Variants in RBFOX1 observed in about 807,000 individuals in gnomAD.
RBFOX1 encodes the protein RNA binding fox-1 homolog 1.
RBFOX1 carries 8 observed loss-of-function variants against 57.7 expected under a neutral mutation model. That is an observed-to-expected ratio of 0.14 (90% CI 0.08 to 0.25). The LOEUF (loss-of-function observed/expected upper bound fraction) is 0.25, where lower values mean the gene tolerates loss of function less well. RBFOX1 is among the 10% of genes least tolerant of loss of function. The probability of loss-of-function intolerance (pLI) is 1.00; values close to 1 mark genes in which losing one functional copy is unlikely to be tolerated. For missense variants in RBFOX1, 611 were observed against 548.5 expected (o/e 1.11, Z -1.14); for synonymous variants, 326 against 222.4 (o/e 1.47, Z -4.15).
intron 4 of RBFOX1, among the ~76,000 whole-genome samples, chr16:7,259,800 A>G (rs2094845164): frequency 6.6e-6 from 1 of 152,104 alleles, no homozygotes. Flanking sequence ...TTCTTAAAAA[A>G]CTACCTTTTC....
chr16:5,486,898 C>T lies in RBFOX1; in HGVS notation c.258+19644C>T, dbSNP rs759319197. Among the ~76,000 whole-genome samples, 16 of 152,208 alleles carry T rather than the reference C, an allele frequency of 1.1e-4. No homozygotes were observed. In the South Asian group the frequency reaches 2.3e-3, roughly 22 times the overall value. On this transcript the variant is annotated intron_variant, in intron 2 of 2. Transcript: ENST00000585867. ...CTGTGAGACCCAGCAACCTCAGAAG[C>T]CCTTTCACCTCAGCAGCCTCTCTCA...
intron 4 of RBFOX1, among the ~76,000 whole-genome samples, chr16:5,949,573 T>G (rs930893758): frequency 6.7e-6 from 1 of 148,810 alleles, no homozygotes; most frequent in African/African-American, 2.5e-5. Context: ...CAATTAAAGA[T>G]AATACATTGC....
chr16:5,775,525 G>A (rs1385194094), intron 3 of RBFOX1, among the ~76,000 whole-genome samples: 1 of 152,202 alleles, frequency 6.6e-6, no homozygotes, highest in Non-Finnish European at 1.5e-5. Flanking sequence ...AAATTAAGGA[G>A]CCTTATATGG....
rs574180981 is a variant in RBFOX1, at chr16:5,595,838, A to G, written c.259-3064A>G. Among the ~76,000 whole-genome samples, 114 of 152,298 alleles carry G rather than the reference A, an allele frequency of 7.5e-4. 3 individuals carry two copies. The South Asian group carries it at 0.022, about 29-fold the overall frequency. ...GCTTGCTGCTTTGTTCAGATAGCAC[A>G]GGGACTGCGTTAAGAAGGAGGGTGC... On this transcript the variant is annotated intron_variant, in intron 2 of 2. Coordinates refer to the RBFOX1 transcript ENST00000585867.
intron 1 of RBFOX1, among the ~76,000 whole-genome samples, chr16:5,374,241 C>T (rs930576364): frequency 2.0e-5 from 3 of 152,180 alleles, no homozygotes; most frequent in African/African-American, 7.2e-5. Context: ...CCTGGCTCGT[C>T]AGTTTCAGGT....
intron 14 of RBFOX1, among the ~76,000 whole-genome samples, chr16:7,708,799 C>T (rs533028104): frequency 2.1e-5 from 3 of 144,532 alleles, no homozygotes; most frequent in Non-Finnish European, 4.5e-5. Context: ...TGGGGGGAGG[C>T]AGGGAAAAGC....
At chr16:5,788,754 C>A (rs1294820110) in intron 3 of RBFOX1, among the ~76,000 whole-genome samples, 1 of 152,162 alleles carries the variant, frequency 6.6e-6, no homozygotes, top group African/African-American at 2.4e-5. Context: ...TTCACACACA[C>A]ACACAGCATC....
intron 5 of RBFOX1, among the ~76,000 whole-genome samples, chr16:7,557,259 C>A (rs892492199): frequency 9.9e-5 from 15 of 151,840 alleles, no homozygotes; most frequent in African/African-American, 3.1e-4. Context: ...AGCTTTATTG[C>A]CAAAGAGAAT....
At chr16:6,081,125 C>G (rs2095994644) in intron 1 of RBFOX1, among the ~76,000 whole-genome samples, 1 of 152,082 alleles carries the variant, frequency 6.6e-6, no homozygotes, top group African/African-American at 2.4e-5. Context: ...TAAAAATAGA[C>G]CAATGATTTC....
intron 1 of RBFOX1, among the ~76,000 whole-genome samples, chr16:6,226,509 A>G (rs1052644126): frequency 6.6e-6 from 1 of 152,146 alleles, no homozygotes; most frequent in African/African-American, 2.4e-5. Flanking sequence ...ATGACCACTC[A>G]TTGAAGCGGT....
intron 2 of RBFOX1, among the ~76,000 whole-genome samples, chr16:6,492,505 G>A (rs1384789422): frequency 6.6e-6 from 1 of 152,162 alleles, no homozygotes; most frequent in African/African-American, 2.4e-5. Context: ...GGAGGTGGAG[G>A]TTGCAGTGAG....
chr16:5,399,877 A>C (rs781764561), intron 1 of RBFOX1, among the ~76,000 whole-genome samples: 2 of 152,102 alleles, frequency 1.3e-5, no homozygotes, highest in Non-Finnish European at 2.9e-5. Flanking sequence ...GTGGTTTATC[A>C]GCAATTTTGG....
intron 2 of RBFOX1, among the ~76,000 whole-genome samples, chr16:5,547,826 A>C (rs56306897): frequency 0.36 from 55,385 of 151,760 alleles, 10,618 homozygotes; most frequent in African/African-American, 0.4. Context: ...GTGCTCATTT[A>C]TAAGTGGGAG....
At chr16:7,434,937 A>G (rs1426429644) in intron 4 of RBFOX1, among the ~76,000 whole-genome samples, 1 of 152,020 alleles carries the variant, frequency 6.6e-6, no homozygotes, top group African/African-American at 2.4e-5. Context: ...ATGGGGTTTC[A>G]CCGTGTTGGT....
intron 4 of RBFOX1, among the ~76,000 whole-genome samples, chr16:5,972,260 A>T (rs978419630): frequency 2.0e-5 from 3 of 152,144 alleles, no homozygotes; most frequent in Admixed American, 6.5e-5. Flanking sequence ...GAGAACCCTG[A>T]CTAATACAGT....
chr16:6,366,765 G>T (rs1455926570), intron 2 of RBFOX1, among the ~76,000 whole-genome samples: 1 of 152,192 alleles, frequency 6.6e-6, no homozygotes, highest in Non-Finnish European at 1.5e-5. Context: ...ACATGCTCCA[G>T]GTTGCAGAAT....
chr16:5,478,193 G>A (rs771389777), intron 2 of RBFOX1, among the ~76,000 whole-genome samples: 13 of 152,110 alleles, frequency 8.5e-5, no homozygotes, highest in Non-Finnish European at 1.9e-4. Context: ...CAGAGCCTTG[G>A]CATTCTTCTT....
intron 2 of RBFOX1, among the ~76,000 whole-genome samples, chr16:5,508,188 A>G (rs1019087504): frequency 6.6e-6 from 1 of 152,210 alleles, no homozygotes; most frequent in African/African-American, 2.4e-5. Flanking sequence ...TAGCTGCATC[A>G]TCTGCTTCTG....
chr16:6,013,226 G>T (rs150474832), intron 4 of RBFOX1, among the ~76,000 whole-genome samples: 1 of 152,174 alleles, frequency 6.6e-6, no homozygotes, highest in Admixed American at 6.5e-5. Context: ...ATGAATGATA[G>T]TATGTTTCAT....
Sources: gnomAD v4.1 joint callset for allele counts (sites outside exome capture counted in the v4.1 genomes callset) on GRCh38, gnomAD v4.1.1 for gene constraint, MANE v1.5 for transcripts, NCBI Gene and HGNC (gene_info 2026-07-23, HGNC 2026-07-21) for gene names.